Variants in MTCL1 observed in about 807,000 individuals in gnomAD.
MTCL1 encodes microtubule cross-linking factor 1.
A neutral mutation model predicts 141.4 loss-of-function variants in MTCL1; 79 were observed. The ratio of observed to expected loss-of-function variants is 0.56; its 90% CI spans 0.47 to 0.67. The LOEUF is 0.67. Among genes scored for constraint, MTCL1 ranks in the 30% least tolerant of loss-of-function variants. The pLI is 0.00. For synonymous variants in MTCL1, 914 were observed against 875.8 expected (o/e 1.04, Z -0.77); for missense variants, 2,177 against 2,113.9 (o/e 1.03, Z -0.59).
intron 1 of MTCL1, chr18:8,707,431 GAGTAT>G (rs1160464643): frequency 6.6e-6 from 1 of 152,638 alleles, no homozygotes; most frequent in Non-Finnish European, 1.5e-5. Flanking sequence ...TGCACTCTCT[GAGTAT>G]TTTCCGGCAG....
At chr18:8,707,274 G>A (rs2096063351) in intron 1 of MTCL1, 1 of 152,776 alleles carries the variant, frequency 6.5e-6, no homozygotes, top group Admixed American at 6.5e-5. Context: ...CGGTGAGCAA[G>A]CTGAAGCTCA....
intron 4 of MTCL1, among the ~76,000 whole-genome samples, chr18:8,735,816 G>T: frequency 6.6e-6 from 1 of 152,164 alleles, no homozygotes. Context: ...AGAGTAGGTG[G>T]CGTGCCCCCG....
intron 9 of MTCL1, 133 bp from the exon 9 acceptor site, chr18:8,797,964 T>C (rs2075983322): frequency 2.6e-5 from 22 of 834,170 alleles, no homozygotes; most frequent in Non-Finnish European, 3.9e-5. Context: ...AATGAGCATT[T>C]TAGGGGTAAG....
exon 10 of MTCL1, chr18:8,798,229 G>A: frequency 6.3e-7 from 1 of 1,593,374 alleles, no homozygotes; most frequent in Non-Finnish European, 8.5e-7. Flanking sequence ...ACACTCCCGG[G>A]TGCAGATTGG....
At chr18:8,765,323 C>T (rs184461490) in intron 4 of MTCL1, among the ~76,000 whole-genome samples, 3 of 152,326 alleles carry the variant, frequency 2.0e-5, no homozygotes, top group South Asian at 2.1e-4. Flanking sequence ...TCACGCTCTG[C>T]CCCAGTGAGC....
intron 4 of MTCL1, among the ~76,000 whole-genome samples, chr18:8,733,990 C>CA (rs2096263934): frequency 6.6e-6 from 1 of 152,156 alleles, no homozygotes; most frequent in South Asian, 2.1e-4. Context: ...CGAGGTTACT[C>CA]ACAGGGTCAC....
exon 6 of MTCL1, chr18:8,784,251 C>T (rs1005352340): frequency 6.8e-6 from 11 of 1,606,682 alleles, no homozygotes; most frequent in South Asian, 2.2e-5. Context: ...CTGCGTGCCC[C>T]CAGTCCCCGG....
intron 7 of MTCL1, chr18:8,789,835 C>A: frequency 2.3e-6 from 1 of 427,360 alleles, no homozygotes; most frequent in Non-Finnish European, 3.1e-6. Flanking sequence ...AACTTTTCTC[C>A]AAATGTATGT....
At chr18:8,809,856 A>ATG in intron 11 of MTCL1, 1 of 447,354 alleles carries the variant, frequency 2.2e-6, no homozygotes. Flanking sequence ...TGGGCTGAAG[A>ATG]TGTATATACC....
At chr18:8,714,600 G>A (rs1407519667), upstream of MTCL1, among the ~76,000 whole-genome samples, 2 of 152,074 alleles carry the variant, frequency 1.3e-5, no homozygotes, top group Non-Finnish European at 2.9e-5. Flanking sequence ...CAGGGAAACT[G>A]CCGTTTATAA....
At chr18:8,788,279 C>A (rs62086587) in intron 7 of MTCL1, among the ~76,000 whole-genome samples, 1 of 152,150 alleles carries the variant, frequency 6.6e-6, no homozygotes, top group African/African-American at 2.4e-5. Flanking sequence ...GAAATAACCA[C>A]GGATTTTGCC....
chr18:8,776,701 C>G (rs2096510520), intron 4 of MTCL1, among the ~76,000 whole-genome samples: 1 of 151,734 alleles, frequency 6.6e-6, no homozygotes, highest in African/African-American at 2.4e-5. Context: ...CACTTTTTAT[C>G]TGGCCACTCA....
At chr18:8,763,828 A>G (rs959833818) in intron 4 of MTCL1, among the ~76,000 whole-genome samples, 1 of 152,198 alleles carries the variant, frequency 6.6e-6, no homozygotes, top group Non-Finnish European at 1.5e-5. Context: ...GGCTCTTGGC[A>G]TACTTAATTG....
At chr18:8,731,161 C>T (rs965388133) in intron 4 of MTCL1, among the ~76,000 whole-genome samples, 2 of 152,048 alleles carry the variant, frequency 1.3e-5, no homozygotes, top group African/African-American at 4.8e-5. Context: ...AGGAGAATGG[C>T]GTGAACCCGG....
At chr18:8,769,212 T>C in intron 4 of MTCL1, among the ~76,000 whole-genome samples, 1 of 152,240 alleles carries the variant, frequency 6.6e-6, no homozygotes, top group East Asian at 1.9e-4. Context: ...TAGGGGTTTC[T>C]CAAATGTAGG....
chr18:8,778,352 C>A (rs902475475), intron 5 of MTCL1, among the ~76,000 whole-genome samples: 2 of 152,154 alleles, frequency 1.3e-5, no homozygotes, highest in Non-Finnish European at 1.5e-5. Flanking sequence ...TATTCTCAGC[C>A]TTTTCTAGAT....
intron 1 of MTCL1, among the ~76,000 whole-genome samples, chr18:8,707,908 T>C (rs2096066780): frequency 6.6e-6 from 1 of 152,180 alleles, no homozygotes; most frequent in African/African-American, 2.4e-5. Flanking sequence ...ATGGAGCTGC[T>C]CCAACCAACT....
At chr18:8,811,526 TATATAC>T (rs2144211776) in intron 11 of MTCL1, among the ~76,000 whole-genome samples, 1 of 150,672 alleles carries the variant, frequency 6.6e-6, no homozygotes, top group East Asian at 1.9e-4. Context: ...TCTTTATATA[TATATAC>T]ATATATATAT....
chr18:8,705,693 T>A lies in MTCL1; in HGVS notation c.33T>A (p.Gly11=), dbSNP rs1379358811. 1 of 1,200,026 alleles carries A rather than the reference T, an allele frequency of 8.3e-7. No homozygotes were observed. Among genetic ancestry groups the A allele is most frequent in the East Asian group, 3.4e-5 (1 of 29,742 alleles). The allele number at this position is 1,200,026 out of a possible 1,614,324, so 74.3% of individuals were successfully genotyped here. Residue 11 remains glycine, a synonymous_variant, in exon 1 of 14, where the codon GGT becomes GGA. Transcript: ENST00000306329. This position sits in a 1 kb window ranked among gnomAD's most constrained non-coding sequence, Gnocchi z 5.2. ...CACTGAACGGCCCCGCGGGCGGAGG[T>A]GCCCCGGACGCGAAGCTGCAGCCGC...
Sources: allele counts gnomAD v4.1 joint callset (sites outside exome capture counted in the v4.1 genomes callset), GRCh38; gene constraint gnomAD v4.1.1; non-coding constraint Gnocchi (gnomAD v3.1); transcripts MANE v1.5; gene names NCBI Gene and HGNC (gene_info 2026-07-23, HGNC 2026-07-21).